MNX1: variants seen among roughly 807,000 people sequenced by gnomAD.
MNX1 encodes motor neuron and pancreas homeobox protein 1.
MNX1 carries 2 observed loss-of-function variants against 17.3 expected under a neutral mutation model. That is an observed-to-expected ratio of 0.12 (90% CI 0.05 to 0.36). The LOEUF (loss-of-function observed/expected upper bound fraction) is 0.36. MNX1 is among the 10% of genes least tolerant of loss of function. MNX1 has a pLI of 1.00. For synonymous variants in MNX1, 306 were observed against 283.1 expected (o/e 1.08, Z -0.81); for missense variants, 556 against 564.7 (o/e 0.98, Z 0.16).
chr7:157,009,813 G>A lies in MNX1; in HGVS notation c.538C>T (p.Pro180Ser). 5 of 1,533,234 alleles carry A rather than the reference G, an allele frequency of 3.3e-6. No homozygotes were observed. The highest frequency in any genetic ancestry group is 4.4e-6 in the Non-Finnish European group (5 of 1,147,572). The allele number at this position is 1,533,234 out of a possible 1,614,324, so 95.0% of individuals were successfully genotyped here. A position where few individuals can be genotyped will look rare whatever the true frequency, so the allele number is the denominator to read the frequency against. Residue 180 changes from proline (P) to serine (S), a missense_variant, in exon 1 of 3, where the codon CCG becomes TCG. Coordinates refer to ENST00000252971, the MANE Select transcript of MNX1 (RefSeq NM_005515.4). ...TGCGGGTACGAGTAGGAGAGCGCCGGGTGCTGGCCCGCCAGCGCAGCCGCC... is the reference window on the plus strand; with the variant it reads ...TGCGGGTACGAGTAGGAGAGCGCCGAGTGCTGGCCCGCCAGCGCAGCCGCC... Reference protein sequence around the residue: ...AAAAALAGQHPALSYSYPQVQ... With the variant: ...AAAAALAGQHSALSYSYPQVQ...
At position 157,005,083 on chromosome 7, in the gene MNX1, A is replaced by G. The variant is rs1224915744; in HGVS notation, c.*437T>C. On this transcript the variant is annotated 3_prime_UTR_variant, in exon 3 of 3. Coordinates refer to ENST00000252971, the MANE Select transcript of MNX1 (RefSeq NM_005515.4). ...TTTCTTTTTCCAAATACTCTGCAGAATGGCGGCTCCAGAGGCGGTTTCAAG... is the reference window on the plus strand; with the variant it reads ...TTTCTTTTTCCAAATACTCTGCAGAGTGGCGGCTCCAGAGGCGGTTTCAAG... 2 of 226,264 alleles carry G rather than the reference A, an allele frequency of 8.8e-6. No homozygotes were observed. The highest frequency in any genetic ancestry group is 6.3e-5 in the East Asian group (1 of 15,862). The allele number at this position is 226,264 out of a possible 1,614,324, so 14.0% of individuals were successfully genotyped here. A position where few individuals can be genotyped will look rare whatever the true frequency, so the allele number is the denominator to read the frequency against.
In MNX1 at chr7:157,005,009, G is replaced by A; in HGVS notation, c.*511C>T. On this transcript the variant is annotated 3_prime_UTR_variant, in exon 3 of 3. Transcript: ENST00000252971. ...TTTTGAGATTTCCAGCAGTTTGAAC[G>A]CTCGTGACATAATCCCCCCGACCCC... The A allele has an allele frequency of 4.5e-6, 1 of 221,496 alleles. No homozygotes were observed. The allele number at this position is 221,496 out of a possible 1,614,324, so 13.7% of individuals were successfully genotyped here.
Position 157,009,829 on chromosome 7 carries a change from C to CGCA in MNX1, c.519_521dup (p.Ala174dup). 1 of 1,517,498 alleles carries CGCA rather than the reference C, an allele frequency of 6.6e-7. No homozygotes were observed. 94.0% of individuals were successfully genotyped at this position (1,517,498 alleles called of 1,614,324 possible). On this transcript the variant is annotated inframe_insertion, in exon 1 of 3. Coordinates refer to ENST00000252971, the MANE Select transcript of MNX1 (RefSeq NM_005515.4). The stretch of plus-strand genomic sequence containing the variant: ...AGAGCGCCGGGTGCTGGCCCGCCAG[C>CGCA]GCAGCCGCCGCCGCCGCCGCGGAGT...
rs772639851 is a variant in MNX1, at chr7:157,005,881, C to T, written c.853-8G>A. The stretch of plus-strand genomic sequence containing the variant: ...CTGGAACCAAATCTTCACCTGCGGG[C>T]ACAAGCGGGCGTGAGAAACCGGCCA... On this transcript the variant is annotated splice_polypyrimidine_tract_variant and splice_region_variant and intron_variant, in intron 2 of 2. Coordinates refer to ENST00000252971, the MANE Select transcript of MNX1 (RefSeq NM_005515.4). 67 of 1,610,634 alleles carry T rather than the reference C, an allele frequency of 4.2e-5. No homozygotes were observed. In the South Asian group the frequency reaches 6.8e-4, roughly 16 times the overall value.
At position 157,006,828 on chromosome 7, in the gene MNX1, G is replaced by T. The variant is rs1805609488; in HGVS notation, c.692-189C>A. 2 of 566,516 alleles carry T rather than the reference G, an allele frequency of 3.5e-6. No homozygotes were observed. The highest frequency in any genetic ancestry group is 6.3e-5 in the East Asian group (2 of 31,510). The allele number at this position is 566,516 out of a possible 1,614,324, so 35.1% of individuals were successfully genotyped here. ...GGACTCAGGACCACCAAGTGGAAATGGATAGTTTGGAGTTAATGAGACCAA... is the reference window on the plus strand; with the variant it reads ...GGACTCAGGACCACCAAGTGGAAATTGATAGTTTGGAGTTAATGAGACCAA... On this transcript the variant is annotated intron_variant, in intron 1 of 2. Transcript: ENST00000252971. This position sits in a 1 kb window ranked among gnomAD's most constrained non-coding sequence, Gnocchi z 6.3.
chr7:157,009,339 G>GGC, intron 1 of MNX1: 1 of 1,413,336 alleles, frequency 7.1e-7, no homozygotes. Flanking sequence ...GGGCGCTCTC[G>GGC]GCTCGCCTTC....
chr7:157,008,576 G>A (rs1805646094), intron 1 of MNX1: 1 of 172,228 alleles, frequency 5.8e-6, no homozygotes, highest in African/African-American at 2.4e-5. Context: ...TCTCTGTTTA[G>A]TCACAACCAC....
chr7:157,010,204 C>CCCGCCG lies in MNX1; in HGVS notation c.141_146dup (p.Gly48_Gly49dup), dbSNP rs781217883. ...AGCTGCCGCTAGTCCCGCCGCTCGC[C>CCCGCCG]CCGCCGCCGCCGCCGCCACCTCCGG... On this transcript the variant is annotated inframe_insertion, in exon 1 of 3. Coordinates refer to ENST00000252971, the MANE Select transcript of MNX1 (RefSeq NM_005515.4). 6 of 1,228,768 alleles carry CCCGCCG rather than the reference C, an allele frequency of 4.9e-6. No individual in the cohort carries two copies. The highest frequency in any genetic ancestry group is 1.6e-5 in the African/African-American group (1 of 62,602). 76.1% of individuals were successfully genotyped at this position (1,228,768 alleles called of 1,614,324 possible). A position where few individuals can be genotyped will look rare whatever the true frequency, so the allele number is the denominator to read the frequency against.
Position 157,009,986 on chromosome 7 carries a change from G to A in MNX1, c.365C>T (p.Ala122Val). 1.0e-6 allele frequency: 1 copy of A among 984,284 alleles called. No homozygotes were observed. The highest frequency in any genetic ancestry group is 1.2e-6 in the Non-Finnish European group (1 of 832,366). The allele number at this position is 984,284 out of a possible 1,614,324, so 61.0% of individuals were successfully genotyped here. A position where few individuals can be genotyped will look rare whatever the true frequency, so the allele number is the denominator to read the frequency against. ...GGCGGCGGCGGCGGCGGCAGCGGCC[G>A]CTGCGCCCGGATGCGCGTGGTGGTG... ...GPHHHAHPGA[A>V]AAAAAAAAAA... Residue 122 changes from alanine (A) to valine (V), a missense_variant, in exon 1 of 3, where the codon GCG (alanine) becomes GTG (valine). By Grantham distance (64) the Ala-to-Val change is moderately conservative. This residue lies in a region of MNX1 where 115 missense variants were observed against 103.5 expected (regional missense o/e 1.11). Coordinates refer to ENST00000252971, the MANE Select transcript of MNX1 (RefSeq NM_005515.4).
chr7:157,006,355 C>A lies in MNX1; in HGVS notation c.852+124G>T. On this transcript the variant is annotated intron_variant, in intron 2 of 2. Coordinates refer to ENST00000252971, the MANE Select transcript of MNX1 (RefSeq NM_005515.4). This position sits in a 1 kb window ranked among gnomAD's most constrained non-coding sequence, Gnocchi z 6.3. ...TCTGGGCACCTTAGATGAACCCGTG[C>A]GCCCGCCGTCTGAACCGTCGAGGCG... 1 of 1,129,082 alleles carries A rather than the reference C, an allele frequency of 8.9e-7. No individual in the cohort carries two copies. Among genetic ancestry groups the A allele is most frequent in the Non-Finnish European group, 1.2e-6 (1 of 807,758 alleles). The allele number at this position is 1,129,082 out of a possible 1,614,324, so 69.9% of individuals were successfully genotyped here. A position where few individuals can be genotyped will look rare whatever the true frequency, so the allele number is the denominator to read the frequency against.
In MNX1 at chr7:157,006,022, G is replaced by A. The variant is rs1805591387; in HGVS notation, c.853-149C>T. ...ACGACTTAGAAGCAGAATGGGGAGG[G>A]GGCTCGTAGCTTCCTCCTCCCCGCA... On this transcript the variant is annotated intron_variant, in intron 2 of 2. Transcript: ENST00000252971. This position sits in a 1 kb window ranked among gnomAD's most constrained non-coding sequence, Gnocchi z 6.3. The A allele has an allele frequency of 6.1e-6, 5 of 819,534 alleles. No homozygotes were observed. The highest frequency in any genetic ancestry group is 2.6e-5 in the East Asian group (1 of 38,768). 50.8% of individuals were successfully genotyped at this position (819,534 alleles called of 1,614,324 possible). A position where few individuals can be genotyped will look rare whatever the true frequency, so the allele number is the denominator to read the frequency against.
Position 157,009,755 on chromosome 7 carries a change from TCGG to T in MNX1, c.593_595del (p.Ala198del). 6.2e-7 allele frequency: 1 copy of T among 1,604,940 alleles called. No homozygotes were observed. The highest frequency in any genetic ancestry group is 8.5e-7 in the Non-Finnish European group (1 of 1,178,018). On this transcript the variant is annotated inframe_deletion, in exon 1 of 3. Coordinates refer to ENST00000252971, the MANE Select transcript of MNX1 (RefSeq NM_005515.4). The stretch of plus-strand genomic sequence containing the variant: ...GGTGCCGGCGCCCAGCTTGATGGGG[TCGG>T]CGGGGTGCGCGGGGTGCGCGCCTTG...
At chr7:157,008,180 CTCCA>C (rs2134842667) in intron 1 of MNX1, 1 of 152,376 alleles carries the variant, frequency 6.6e-6, no homozygotes, top group African/African-American at 2.4e-5. Context: ...CTCCACGAAG[CTCCA>C]GAAAGCACCC....
At position 157,005,357 on chromosome 7, in the gene MNX1, C is replaced by T. The variant is rs962782973; in HGVS notation, c.*163G>A. 1 of 372,456 alleles carries T rather than the reference C, an allele frequency of 2.7e-6. No individual in the cohort carries two copies. The highest frequency in any genetic ancestry group is 2.1e-5 in the African/African-American group (1 of 47,176). 23.1% of individuals were successfully genotyped at this position (372,456 alleles called of 1,614,324 possible). On this transcript the variant is annotated 3_prime_UTR_variant, in exon 3 of 3. Transcript: ENST00000252971. ...AAAGGGAAGCGCCCAGGACCGGAGC[C>T]GCGGCCGAATCCCTCCAGCCCCGGC...
rs1290429302 is a variant in MNX1, at chr7:157,009,947, C to CCGGCGG, written c.403_404insCCGCCG (p.Ala133_Ala134dup). 282 of 534,880 alleles carry CCGGCGG rather than the reference C, an allele frequency of 5.3e-4. No homozygotes were observed. Among genetic ancestry groups the CCGGCGG allele is most frequent in the Middle Eastern group, 8.3e-4 (1 of 1,210 alleles). 33.1% of individuals were successfully genotyped at this position (534,880 alleles called of 1,614,324 possible). ...AGGGTGCAGCCCCAGCGCCAGGCCC[C>CCGGCGG]CAGCGGCGGCGGCGGCGGCGGCGGC... On this transcript the variant is annotated inframe_insertion, in exon 1 of 3. Transcript: ENST00000252971.
At chr7:157,009,612 G>C in intron 1 of MNX1, 48 bp downstream of exon 1, 6 of 1,591,698 alleles carry the variant, frequency 3.8e-6, no homozygotes, top group Non-Finnish European at 5.1e-6. Flanking sequence ...TGGAGGATGC[G>C]CGAGGCCCTC....
At position 157,006,374 on chromosome 7, in the gene MNX1, C is replaced by A. The variant is rs1299829213; in HGVS notation, c.852+105G>T. 1.8e-5 allele frequency: 23 copies of A among 1,312,104 alleles called. No homozygotes were observed. Among genetic ancestry groups the A allele is most frequent in the Non-Finnish European group, 2.1e-5 (20 of 962,452 alleles). The allele number at this position is 1,312,104 out of a possible 1,614,324, so 81.3% of individuals were successfully genotyped here. A position where few individuals can be genotyped will look rare whatever the true frequency, so the allele number is the denominator to read the frequency against. On this transcript the variant is annotated intron_variant, in intron 2 of 2. Transcript: ENST00000252971. The surrounding 1 kb of genome is among the most constrained non-coding windows in gnomAD (Gnocchi z 6.3). ...CCCGTGCGCCCGCCGTCTGAACCGT[C>A]GAGGCGCAGCGCTAGATGCCTCAGA...
In MNX1 at chr7:157,005,672, T is replaced by C; in HGVS notation, c.1054A>G (p.Arg352Gly). ...TCGTCCTCCTCGGGGTCACTGTCCC[T>C]CAAGTCCCGCAGGCGGCGTCCGCTG... ...KGSGRRLRDL[R>G]DSDPEEDEDE... Residue 352 changes from arginine to glycine, a missense_variant, in exon 3 of 3, where the codon AGG becomes GGG. Arg to Gly is a moderately radical substitution (Grantham distance 125, BLOSUM62 -2). This residue lies in a region of MNX1 where 178 missense variants were observed against 155.2 expected (regional missense o/e 1.15). Transcript: ENST00000252971. 1 of 1,609,274 alleles carries C rather than the reference T, an allele frequency of 6.2e-7. No homozygotes were observed. The highest frequency in any genetic ancestry group is 2.2e-5 in the East Asian group (1 of 44,668).
chr7:157,010,142 G>A lies in MNX1; in HGVS notation c.209C>T (p.Ala70Val). The A allele has an allele frequency of 1.9e-6, 2 of 1,056,606 alleles. No individual in the cohort carries two copies. Among genetic ancestry groups the A allele is most frequent in the Non-Finnish European group, 2.3e-6 (2 of 877,784 alleles). 65.5% of individuals were successfully genotyped at this position (1,056,606 alleles called of 1,614,324 possible). ...PASSEPPAAP[A>V]DRLRAESPSP... ...CGGGCTCTCGGCGCGCAGGCGGTCG[G>A]CGGGCGCAGCCGGCGGCTCCGAGGA... The change falls in exon 1 of 3, where the codon GCC becomes GTC. Residue 70 changes from alanine (A) to valine (V), a missense_variant. Transcript: ENST00000252971.
Sources: allele counts gnomAD v4.1 joint callset, GRCh38; gene constraint gnomAD v4.1.1; regional missense constraint gnomAD v4.1.1; non-coding constraint Gnocchi (gnomAD v3.1); transcripts MANE v1.5; gene names NCBI Gene and HGNC (gene_info 2026-07-23, HGNC 2026-07-21).